NLGN1: variants seen among roughly 807,000 people sequenced by gnomAD.
NLGN1 encodes the protein neuroligin 1, also known as neuroligin-1.
In NLGN1, 12 loss-of-function variants were observed where a neutral mutation model predicts 65.5. The observed-to-expected ratio is 0.18, with a 90% CI of 0.12 to 0.30. The LOEUF (loss-of-function observed/expected upper bound fraction) is 0.30, where lower values mean the gene tolerates loss of function less well. NLGN1 is among the 10% of genes least tolerant of loss of function. The pLI is 1.00. For missense variants in NLGN1, 750 were observed against 1,007.1 expected (o/e 0.74, Z 3.46); for synonymous variants, 350 against 359.5 (o/e 0.97, Z 0.30).
chr3:173,546,938 A>G (rs192924372), intron 2 of NLGN1, among the ~76,000 whole-genome samples: 8 of 152,338 alleles, frequency 5.3e-5, no homozygotes, highest in Admixed American at 4.6e-4. Flanking sequence ...TAAAAAAGCA[A>G]TGAGTACAAA....
At chr3:173,887,948 T>C (rs545133208) in intron 4 of NLGN1, among the ~76,000 whole-genome samples, 80 of 152,156 alleles carry the variant, frequency 5.3e-4, no homozygotes, top group African/African-American at 1.8e-3. Context: ...TAAACTTTAA[T>C]TGAAACTTTC....
chr3:174,035,902 C>G (rs1036998383), intron 4 of NLGN1, among the ~76,000 whole-genome samples: 1 of 152,044 alleles, frequency 6.6e-6, no homozygotes, highest in African/African-American at 2.4e-5. Flanking sequence ...AAGTCCACCC[C>G]CCTCATTCCA....
intron 4 of NLGN1, among the ~76,000 whole-genome samples, chr3:173,996,343 C>T (rs925066170): frequency 6.6e-6 from 1 of 152,074 alleles, no homozygotes; most frequent in African/African-American, 2.4e-5. Context: ...CTCAGATTGA[C>T]CTGGAGAATT....
intron 4 of NLGN1, among the ~76,000 whole-genome samples, chr3:173,969,862 C>T (rs1287236302): frequency 3.3e-5 from 5 of 151,436 alleles, no homozygotes; most frequent in Non-Finnish European, 5.9e-5. Flanking sequence ...AGTAATTGCC[C>T]ACTAATTTAT....
At chr3:174,132,624 G>A (rs904796801) in intron 4 of NLGN1, among the ~76,000 whole-genome samples, 9 of 152,050 alleles carry the variant, frequency 5.9e-5, no homozygotes, top group Admixed American at 5.2e-4. Context: ...CAAGGTACTC[G>A]ACTAGTCACG....
chr3:173,697,266 C>T (rs1470403634), intron 3 of NLGN1, among the ~76,000 whole-genome samples: 1 of 152,150 alleles, frequency 6.6e-6, no homozygotes, highest in Non-Finnish European at 1.5e-5. Flanking sequence ...GGGAGTGTGT[C>T]AAAGCAGGAC....
At chr3:173,517,354 A>AT (rs2149118797) in intron 2 of NLGN1, among the ~76,000 whole-genome samples, 1 of 152,032 alleles carries the variant, frequency 6.6e-6, no homozygotes, top group South Asian at 2.1e-4. Context: ...AGCTACTATT[A>AT]TTTTTCACTT....
chr3:174,250,677 G>A lies in NLGN1; in HGVS notation c.647-24638G>A, dbSNP rs1035136338. Among the ~76,000 whole-genome samples the A allele has an allele frequency of 2.0e-5, 3 of 152,180 alleles. No individual in the cohort carries two copies. The Middle Eastern group carries it at 0.01, about 518-fold the overall frequency. Reference sequence around the variant, plus strand: ...AGGTCATATTAGTGAAGCAGAGTTGGTGCTGGGCCTTGAAGCTGAGTTTGA... The same window carrying A: ...AGGTCATATTAGTGAAGCAGAGTTGATGCTGGGCCTTGAAGCTGAGTTTGA... On this transcript the variant is annotated intron_variant, in intron 4 of 6. Coordinates refer to ENST00000457714, the Ensembl canonical transcript of NLGN1.
chr3:173,961,968 T>A (rs1713687193), intron 4 of NLGN1, among the ~76,000 whole-genome samples: 1 of 152,064 alleles, frequency 6.6e-6, no homozygotes. Context: ...GCTTCCTGCT[T>A]CTTAACTTTG....
At chr3:173,435,465 C>T (rs1195696866) in intron 2 of NLGN1, among the ~76,000 whole-genome samples, 3 of 152,056 alleles carry the variant, frequency 2.0e-5, no homozygotes, top group Admixed American at 6.6e-5. Flanking sequence ...CATACACACA[C>T]ATATATGAAA....
intron 4 of NLGN1, among the ~76,000 whole-genome samples, chr3:174,100,395 T>C (rs1303192906): frequency 2.0e-5 from 3 of 152,176 alleles, no homozygotes. Context: ...TCTACCCCAC[T>C]GCTAGAAACA....
chr3:174,015,375 C>A (rs1047939528), intron 4 of NLGN1, among the ~76,000 whole-genome samples: 1 of 152,084 alleles, frequency 6.6e-6, no homozygotes, highest in Admixed American at 6.6e-5. Context: ...CCTCTCTTTC[C>A]GGCTTACAGA....
intron 4 of NLGN1, among the ~76,000 whole-genome samples, chr3:174,232,551 A>G (rs1031831458): frequency 4.6e-5 from 7 of 152,242 alleles, no homozygotes; most frequent in Non-Finnish European, 8.8e-5. Context: ...GGGACCCTTC[A>G]GAATGAAGAC....
rs113469688 is a variant in NLGN1, at chr3:173,732,859, A to G, written c.494-74821A>G. Among the ~76,000 whole-genome samples, 1,007 of 152,164 alleles carry G rather than the reference A, an allele frequency of 6.6e-3. 14 individuals are homozygous for G. Among genetic ancestry groups the G allele is most frequent in the African/African-American group, 0.022 (934 of 41,542 alleles). ...AACATATCAGTTTATTTTTATTAAG[A>G]TATTTGAAAGTTTCATGTATTATAA... On this transcript the variant is annotated intron_variant, in intron 3 of 6. Transcript: ENST00000457714.
At chr3:174,167,915 AT>A (rs972746618) in intron 4 of NLGN1, among the ~76,000 whole-genome samples, 11 of 151,676 alleles carry the variant, frequency 7.3e-5, no homozygotes, top group Admixed American at 5.9e-4. Context: ...TTTTTTTTAA[AT>A]TTTTTTGTCA....
chr3:174,120,683 A>G (rs957469444), intron 4 of NLGN1, among the ~76,000 whole-genome samples: 2 of 152,166 alleles, frequency 1.3e-5, no homozygotes, highest in Non-Finnish European at 2.9e-5. Context: ...TCACAACAAG[A>G]TATGACGTGG....
chr3:173,872,465 T>G (rs1025442445), intron 4 of NLGN1, among the ~76,000 whole-genome samples: 1 of 152,176 alleles, frequency 6.6e-6, no homozygotes, highest in Non-Finnish European at 1.5e-5. Flanking sequence ...ACTGGATTTT[T>G]CCAATGATCT....
chr3:173,588,072 T>C (rs75208001), intron 2 of NLGN1, among the ~76,000 whole-genome samples: 1,965 of 152,310 alleles, frequency 0.013, 47 homozygotes, highest in East Asian at 0.11. Flanking sequence ...TTTTGCTTTA[T>C]TGAGAAATAA....
chr3:174,018,512 C>T (rs1255347628), intron 4 of NLGN1, among the ~76,000 whole-genome samples: 2 of 152,262 alleles, frequency 1.3e-5, no homozygotes, highest in East Asian at 1.9e-4. Flanking sequence ...TCCATGAAAT[C>T]GTCACAATTT....
Sources: allele counts gnomAD v4.1 joint callset (sites outside exome capture counted in the v4.1 genomes callset), GRCh38; gene constraint gnomAD v4.1.1; transcripts MANE v1.5; gene names NCBI Gene and HGNC (gene_info 2026-07-23, HGNC 2026-07-21).